The following MROH9 variants were observed in gnomAD, a reference collection of about 807,000 sequenced individuals.
MROH9 encodes maestro heat-like repeat-containing protein family member 9.
A neutral mutation model predicts 98.2 loss-of-function variants in MROH9; 92 were observed. The ratio of observed to expected loss-of-function variants is 0.94; its 90% CI spans 0.79 to 1.11. The LOEUF (loss-of-function observed/expected upper bound fraction) is 1.11, where lower values mean the gene tolerates loss of function less well. Among genes scored for constraint, MROH9 ranks in the 50% most tolerant of loss-of-function variants. MROH9 has a pLI of 0.00. For missense variants in MROH9, 1,057 were observed against 1,014.8 expected, an observed-to-expected ratio of 1.04 and a Z score of -0.57; for synonymous variants, 397 against 368.9, an observed-to-expected ratio of 1.08 and a Z score of -0.87.
Position 171,048,769 on chromosome 1 carries a change from C to T in MROH9, c.2282-13363C>T, listed in dbSNP as rs186284124. ...TAATGTACTGAGTCTCAACTGAAGC[C>T]AGCAAGTCTCAGAGGTTCACCCAAG... On this transcript the variant is annotated intron_variant, in intron 20 of 21. Transcript: ENST00000367759. 1.6e-3 allele frequency among the ~76,000 whole-genome samples: 244 copies of T among 152,252 alleles called. 2 individuals carry two copies. Among genetic ancestry groups the T allele is most frequent in the Admixed American group, 6.2e-3 (95 of 15,284 alleles).
chr1:170,997,511 C>G (rs1651625652), intron 14 of MROH9, among the ~76,000 whole-genome samples: 1 of 152,088 alleles, frequency 6.6e-6, no homozygotes, highest in African/African-American at 2.4e-5. Flanking sequence ...TAGCAATATC[C>G]CAAGGGTGAT....
intron 20 of MROH9, among the ~76,000 whole-genome samples, chr1:171,029,536 A>G (rs1430062376): frequency 6.6e-6 from 1 of 152,178 alleles, no homozygotes; most frequent in African/African-American, 2.4e-5. Flanking sequence ...CCTTTTCTGC[A>G]TCTATGGAGA....
At chr1:170,997,803 G>A (rs1187779120) in intron 14 of MROH9, among the ~76,000 whole-genome samples, 2 of 152,114 alleles carry the variant, frequency 1.3e-5, no homozygotes, top group Non-Finnish European at 2.9e-5. Flanking sequence ...AAACCACAAA[G>A]ATGACCTGTA....
chr1:171,014,389 G>A, intron 16 of MROH9, 135 bp downstream of exon 16: 1 of 745,394 alleles, frequency 1.3e-6, no homozygotes, highest in Non-Finnish European at 2.0e-6. Flanking sequence ...AAAGCCTGCT[G>A]TTTTATTAAC....
intron 5 of MROH9, among the ~76,000 whole-genome samples, chr1:170,960,295 G>C (rs1457430286): frequency 6.6e-6 from 1 of 152,134 alleles, no homozygotes; most frequent in Non-Finnish European, 1.5e-5. Flanking sequence ...AAATATTCCT[G>C]AGTGGCTACC....
chr1:170,947,386 T>C (rs1175836180), intron 2 of MROH9, 141 bp from the exon 3 acceptor site: 3 of 631,506 alleles, frequency 4.8e-6, no homozygotes, highest in Admixed American at 2.9e-5. Flanking sequence ...AATTTGTCTA[T>C]AGTTTTAGTG....
At chr1:170,970,948 C>A (rs1046840765) in intron 7 of MROH9, among the ~76,000 whole-genome samples, 1 of 152,168 alleles carries the variant, frequency 6.6e-6, no homozygotes, top group African/African-American at 2.4e-5. Context: ...GAGGCAAGAA[C>A]TATCTGCAAG....
intron 13 of MROH9, among the ~76,000 whole-genome samples, chr1:170,995,744 G>A (rs1297565369): frequency 6.6e-6 from 1 of 152,084 alleles, no homozygotes. Flanking sequence ...AGCATGTGTA[G>A]TATATAAAGA....
chr1:171,013,466 C>T (rs913470180), intron 15 of MROH9, among the ~76,000 whole-genome samples: 11 of 152,106 alleles, frequency 7.2e-5, no homozygotes, highest in Non-Finnish European at 1.5e-4. Context: ...GAGTTTTACA[C>T]CCTCCCTCCC....
intron 3 of MROH9, among the ~76,000 whole-genome samples, chr1:170,958,231 G>A (rs61815972): frequency 0.08 from 12,166 of 152,258 alleles, 627 homozygotes; most frequent in Non-Finnish European, 0.11. Flanking sequence ...AATGCAAATT[G>A]TATAAGCATA....
At chr1:170,970,330 T>C (rs1397925912) in intron 7 of MROH9, among the ~76,000 whole-genome samples, 2 of 152,076 alleles carry the variant, frequency 1.3e-5, no homozygotes, top group Admixed American at 1.3e-4. Flanking sequence ...GAGAGAAAAC[T>C]TGATCCTTTT....
chr1:171,035,642 C>T (rs61816868), intron 20 of MROH9, among the ~76,000 whole-genome samples: 14,863 of 151,948 alleles, frequency 0.098, 804 homozygotes, highest in Middle Eastern at 0.17. Flanking sequence ...CAGAAAAGGA[C>T]AGACAAATTA....
At chr1:170,983,628 T>C in intron 9 of MROH9, 94 bp downstream of exon 9, 1 of 737,972 alleles carries the variant, frequency 1.4e-6, no homozygotes, top group South Asian at 1.8e-5. Context: ...GTCGTTAGTA[T>C]TTTTTCGTTT....
intron 15 of MROH9, among the ~76,000 whole-genome samples, chr1:171,001,431 T>C: frequency 6.6e-6 from 1 of 152,112 alleles, no homozygotes; most frequent in East Asian, 1.9e-4. Context: ...CCCAGAGGTT[T>C]TGATACATTG....
At chr1:171,042,020 G>A (rs1225012694) in intron 20 of MROH9, among the ~76,000 whole-genome samples, 1 of 151,888 alleles carries the variant, frequency 6.6e-6, no homozygotes, top group Non-Finnish European at 1.5e-5. Context: ...TTTAAAATGT[G>A]CAATTGTTAT....
chr1:171,003,686 GT>G (rs1183280438), intron 15 of MROH9, among the ~76,000 whole-genome samples: 1 of 152,164 alleles, frequency 6.6e-6, no homozygotes, highest in African/African-American at 2.4e-5. Flanking sequence ...CTTAGCTTTG[GT>G]GTTTTAATGC....
intron 7 of MROH9, 89 bp from the exon 8 acceptor site, chr1:170,971,659 G>A (rs1650461154): frequency 7.1e-7 from 1 of 1,415,092 alleles, no homozygotes; most frequent in African/African-American, 1.4e-5. Flanking sequence ...TAGAATCCTA[G>A]TCTGATTTAT....
chr1:170,996,514 C>A lies in MROH9; in HGVS notation c.1345C>A (p.Gln449Lys), dbSNP rs1651572544. 1 of 1,612,994 alleles carries A rather than the reference C, an allele frequency of 6.2e-7. No homozygotes were observed. Among genetic ancestry groups the A allele is most frequent in the African/African-American group, 1.3e-5 (1 of 74,830 alleles). The change falls in exon 14 of 22, where the codon CAG (glutamine) becomes AAG (lysine). Residue 449 changes from glutamine (Q) to lysine (K), a missense_variant. Gln to Lys is a moderately conservative substitution (Grantham distance 53). Transcript: ENST00000367759. ...TCTCTTTTGGGGCTTTAGGTATGCCCAGGATGCCCTGAGAGTTCTGCTGAA... is the reference window on the plus strand; with the variant it reads ...TCTCTTTTGGGGCTTTAGGTATGCCAAGGATGCCCTGAGAGTTCTGCTGAA... Reference protein sequence around the residue: ...PILKDRALYAQDALRVLLNCS... With the variant: ...PILKDRALYAKDALRVLLNCS...
rs745924978 is a variant in MROH9 at position 171,064,315 on chromosome 1, A to C, written c.2561A>C (p.Asp854Ala). ...GQIDSPTDSKDVKNDKAL is the reference protein window; with the variant it reads ...GQIDSPTDSKAVKNDKAL The stretch of plus-strand genomic sequence containing the variant: ...ATAGACAGTCCTACAGACAGTAAAG[A>C]TGTCAAGAATGATAAGGCCTTATAG... The change falls in exon 22 of 22, where the codon GAT becomes GCT. Residue 854 changes from aspartate to alanine, a missense_variant. Asp to Ala is a moderately radical substitution (Grantham distance 126). Transcript: ENST00000367759. 3 of 1,541,180 alleles carry C rather than the reference A, an allele frequency of 1.9e-6. No individual in the cohort carries two copies. The South Asian group carries it at 3.7e-5, about 19-fold the overall frequency.
Sources: gnomAD v4.1 joint callset for allele counts (sites outside exome capture counted in the v4.1 genomes callset) on GRCh38, gnomAD v4.1.1 for gene constraint, MANE v1.5 for transcripts, NCBI Gene and HGNC (gene_info 2026-07-23, HGNC 2026-07-21) for gene names.